Variants in VPS16 observed in about 807,000 individuals in gnomAD.
VPS16 encodes VPS16 core subunit of CORVET and HOPS complexes.
In VPS16, 82 loss-of-function variants were observed where a neutral mutation model predicts 116.0. That is an observed-to-expected ratio of 0.71 (90% CI 0.59 to 0.85). The LOEUF (loss-of-function observed/expected upper bound fraction) is 0.85. VPS16 is among the 40% of genes least tolerant of loss of function. The probability of loss-of-function intolerance (pLI) is 0.00; values close to 1 mark genes in which losing one functional copy is unlikely to be tolerated. For synonymous variants in VPS16, 406 were observed against 420.7 expected (o/e 0.96, Z 0.43); for missense variants, 928 against 1,090.6 (o/e 0.85, Z 2.10).
In VPS16 at chr20:2,863,395, C is replaced by T. The variant is rs755683370; in HGVS notation, c.1473C>T (p.Tyr491=). 6.2e-7 allele frequency: 1 copy of T among 1,614,014 alleles called. No homozygotes were observed. The highest frequency in any genetic ancestry group is 1.1e-5 in the South Asian group (1 of 91,088). ...GGATCCTGGCCCACTGGGCCTGCTA[C>T]AAGGCAAGGATGTGGGATGGGGTCC... The part of the protein sequence containing the change: ...VSRILAHWAC[Y]KVQQKDVSDE... The change falls in exon 15 of 24, where the codon TAC becomes TAT. Residue 491 remains tyrosine, a synonymous_variant. Transcript: ENST00000380445. This position sits in a 1 kb window ranked among gnomAD's most constrained non-coding sequence, Gnocchi z 4.4.
chr20:2,866,394 G>T, intron 23 of VPS16, 36 bp from the exon 24 acceptor site: 3 of 1,614,082 alleles, frequency 1.9e-6, no homozygotes, highest in Non-Finnish European at 2.5e-6. Context: ...CCCTTGAGCA[G>T]CCCCAACACC....
Position 2,846,209 on chromosome 20 carries a change from C to A in VPS16, c.53+5382C>A, listed in dbSNP as rs920299110. On this transcript the variant is annotated intron_variant, in intron 1 of 23. Transcript: ENST00000380445. ...TCAGCTCACTGCAACATCTGCCTCC[C>A]GGGTTCAAGTGATTCTCCTGCCTCA... Among the ~76,000 whole-genome samples the A allele has an allele frequency of 2.0e-5, 3 of 150,638 alleles. No individual in the cohort carries two copies. In the Admixed American group the frequency reaches 2.0e-4, roughly 10 times the overall value.
In VPS16 at chr20:2,865,601, C is replaced by T. The variant is rs2089324486; in HGVS notation, c.2271+106C>T. The stretch of plus-strand genomic sequence containing the variant: ...ATGGCCCGTTCATGCTCCTGTTCAG[C>T]TGCCCGCATAGTTAGCGAGTGCTTC... On this transcript the variant is annotated intron_variant, in intron 22 of 23. Coordinates refer to ENST00000380445, the MANE Select transcript of VPS16 (RefSeq NM_022575.4). This position sits in a 1 kb window ranked among gnomAD's most constrained non-coding sequence, Gnocchi z 5.2. 7.7e-6 allele frequency: 8 copies of T among 1,040,182 alleles called. No individual in the cohort carries two copies. In the South Asian group the frequency reaches 1.1e-4, roughly 14 times the overall value. The allele number at this position is 1,040,182 out of a possible 1,614,324, so 64.4% of individuals were successfully genotyped here.
In VPS16 at chr20:2,865,143, C is replaced by A. The variant is rs780331052; in HGVS notation, c.2005-5C>A. ...CCCATCATGCCTCATTATCCGGGTC[C>A]CCAGGCTACAGAGGATCAAATGCGG... On this transcript the variant is annotated splice_polypyrimidine_tract_variant and splice_region_variant and intron_variant, in intron 20 of 23. Transcript: ENST00000380445. The surrounding 1 kb of genome is among the most constrained non-coding windows in gnomAD (Gnocchi z 5.2). The A allele has an allele frequency of 5.0e-6, 8 of 1,614,142 alleles. No individual in the cohort carries two copies. In the South Asian group the frequency reaches 8.8e-5, roughly 18 times the overall value.
At position 2,861,012 on chromosome 20, in the gene VPS16, A is replaced by G. The variant is rs1382339975; in HGVS notation, c.673A>G (p.Met225Val). Residue 225 changes from methionine (M) to valine (V), a missense_variant, in exon 7 of 24, where the codon ATG (methionine) becomes GTG (valine). By Grantham distance (21) the Met-to-Val change is conservative. Coordinates refer to ENST00000380445, the MANE Select transcript of VPS16 (RefSeq NM_022575.4). ...LAPGVSSFLQ[M>V]AVSFTYRHLA... ...CCCAGGAGTAAGCAGCTTCCTACAGATGGCTGTCTCCTTCACCTACCGACA... is the reference window on the plus strand; with the variant it reads ...CCCAGGAGTAAGCAGCTTCCTACAGGTGGCTGTCTCCTTCACCTACCGACA... 10 of 1,614,008 alleles carry G rather than the reference A, an allele frequency of 6.2e-6. No individual in the cohort carries two copies. Among genetic ancestry groups the G allele is most frequent in the Admixed American group, 1.7e-5 (1 of 59,994 alleles).
At chr20:2,855,824 G>C (rs1249879607) in intron 1 of VPS16, among the ~76,000 whole-genome samples, 1 of 152,188 alleles carries the variant, frequency 6.6e-6, no homozygotes, top group Non-Finnish European at 1.5e-5. Context: ...AGAATTTAAA[G>C]AGTTAGGGCC....
intron 1 of VPS16, 167 bp downstream of exon 1, chr20:2,840,994 C>A: frequency 1.6e-6 from 1 of 640,178 alleles, no homozygotes; most frequent in Non-Finnish European, 2.6e-6. Context: ...GGGCAGGGAG[C>A]CGGGCCTTCC....
intron 1 of VPS16, 60 bp from the exon 2 acceptor site, chr20:2,859,659 G>A: frequency 1.3e-6 from 2 of 1,562,598 alleles, no homozygotes; most frequent in Non-Finnish European, 1.8e-6. Context: ...TTCCTCTGGG[G>A]TTCACTCCAT....
At chr20:2,850,745 A>G (rs998938182) in intron 1 of VPS16, among the ~76,000 whole-genome samples, 1 of 151,892 alleles carries the variant, frequency 6.6e-6, no homozygotes, top group Non-Finnish European at 1.5e-5. Flanking sequence ...TGGCAGGCAG[A>G]TCACACAAGC....
At chr20:2,841,287 G>C (rs1243117981) in intron 1 of VPS16, 5 of 191,182 alleles carry the variant, frequency 2.6e-5, no homozygotes, top group Non-Finnish European at 3.3e-5. Context: ...CCCTGGGTTA[G>C]GGCAGCCCGC....
intron 8 of VPS16, 136 bp from the exon 9 acceptor site, chr20:2,861,479 A>G: frequency 7.5e-7 from 1 of 1,337,846 alleles, no homozygotes; most frequent in Admixed American, 2.1e-5. Flanking sequence ...CAGGGATAAG[A>G]GGGAAGTGGA....
rs761915735 is a variant in VPS16 at position 2,866,296 on chromosome 20, A to G, written c.2356A>G (p.Lys786Glu). 3 of 1,613,982 alleles carry G rather than the reference A, an allele frequency of 1.9e-6. No individual in the cohort carries two copies. In the Admixed American group the frequency reaches 5.0e-5, roughly 27 times the overall value. Reference protein sequence around the residue: ...ASRVGPEQKVKALLLVGDVAQ... With the variant: ...ASRVGPEQKVEALLLVGDVAQ... ...CCGCGTGGGTCCCGAGCAGAAGGTC[A>G]AGGCTTTGCTTCTTGTTGGGTGCGT... is the stretch of plus-strand genomic sequence containing the variant. The change falls in exon 23 of 24, where the codon AAG becomes GAG. Residue 786 changes from lysine to glutamate, a missense_variant. Transcript: ENST00000380445.
rs781503007 is a variant in VPS16, at chr20:2,864,272, G to C, written c.1705G>C (p.Gly569Arg). 6.2e-7 allele frequency: 1 copy of C among 1,614,186 alleles called. No homozygotes were observed. Among genetic ancestry groups the C allele is most frequent in the South Asian group, 1.1e-5 (1 of 91,064 alleles). ...KLALSKAIES[G>R]DTDLVFTVLL... The stretch of plus-strand genomic sequence containing the variant: ...GGCACTAAGCAAGGCCATCGAGAGC[G>C]GGGACACTGACCTGGGTGAGGGCAA... The change falls in exon 17 of 24, where the codon GGG becomes CGG. Residue 569 changes from glycine to arginine, a missense_variant. Coordinates refer to ENST00000380445, the MANE Select transcript of VPS16 (RefSeq NM_022575.4). This position sits in a 1 kb window ranked among gnomAD's most constrained non-coding sequence, Gnocchi z 5.2.
chr20:2,862,415 T>G, intron 11 of VPS16, 164 bp from the exon 12 acceptor site: 1 of 1,381,900 alleles, frequency 7.2e-7, no homozygotes, highest in Non-Finnish European at 9.6e-7. Flanking sequence ...CGAGATGATG[T>G]CTGTGGGCAC....
chr20:2,861,116 G>T, intron 7 of VPS16, 24 bp downstream of exon 7: 3 of 1,614,172 alleles, frequency 1.9e-6, no homozygotes, highest in Non-Finnish European at 2.5e-6. Flanking sequence ...GCAACACAGG[G>T]GTACTGTGCC....
chr20:2,854,619 C>A (rs2089154006), intron 1 of VPS16, among the ~76,000 whole-genome samples: 1 of 151,604 alleles, frequency 6.6e-6, no homozygotes, highest in South Asian at 2.1e-4. Context: ...CACGGTGAAA[C>A]CCTGTCTCTA....
At chr20:2,851,538 T>G (rs1290522932) in intron 1 of VPS16, among the ~76,000 whole-genome samples, 2 of 151,782 alleles carry the variant, frequency 1.3e-5, no homozygotes, top group Non-Finnish European at 2.9e-5. Flanking sequence ...GGTGCGTGCC[T>G]GTAATCCCAG....
intron 1 of VPS16, 111 bp downstream of exon 1, chr20:2,840,938 C>A: frequency 9.2e-7 from 1 of 1,083,046 alleles, no homozygotes; most frequent in Non-Finnish European, 1.3e-6. Flanking sequence ...GTCCGCCCCG[C>A]GCCGGCTCTC....
intron 1 of VPS16, among the ~76,000 whole-genome samples, chr20:2,854,806 AAG>A (rs1491335118): frequency 1.4e-4 from 19 of 134,980 alleles, no homozygotes; most frequent in Admixed American, 3.7e-4. Context: ...AAAAAAAAAA[AAG>A]AAAGAAAGAA....
Sources: gnomAD v4.1 joint callset for allele counts (sites outside exome capture counted in the v4.1 genomes callset) on GRCh38, gnomAD v4.1.1 for gene constraint, Gnocchi (gnomAD v3.1) non-coding constraint, MANE v1.5 for transcripts, NCBI Gene and HGNC (gene_info 2026-07-23, HGNC 2026-07-21) for gene names.